The following SVEP1 variants were observed in gnomAD, a reference collection of about 807,000 sequenced individuals.
The protein encoded by SVEP1 is sushi, von Willebrand factor type A, EGF and pentraxin domain-containing protein 1.
In SVEP1, 164 loss-of-function variants were observed where a neutral mutation model predicts 367.3. The ratio of observed to expected loss-of-function variants is 0.45; its 90% CI spans 0.39 to 0.51. The LOEUF (loss-of-function observed/expected upper bound fraction) is 0.51. Ranked by LOEUF, SVEP1 falls within the 20% of genes least tolerant of loss-of-function variation. The probability of loss-of-function intolerance (pLI) is 0.00; values close to 1 mark genes in which losing one functional copy is unlikely to be tolerated. For missense variants in SVEP1, 4,117 were observed against 4,425.3 expected (o/e 0.93, Z 1.98); for synonymous variants, 1,666 against 1,611.6 (o/e 1.03, Z -0.81).
chr9:110,375,255 A>G (rs1827332188), intron 46 of SVEP1, 113 bp downstream of exon 46: 1 of 918,970 alleles, frequency 1.1e-6, no homozygotes, highest in Middle Eastern at 2.2e-4. Flanking sequence ...TTTGAGAAAC[A>G]TCAGTACTTT....
At chr9:110,512,853 G>T in intron 5 of SVEP1, 73 bp downstream of exon 5, 1 of 1,540,344 alleles carries the variant, frequency 6.5e-7, no homozygotes, top group Non-Finnish European at 9.0e-7. Context: ...AGAACTGACT[G>T]GTTTACTAGA....
At position 110,366,256 on chromosome 9, in the gene SVEP1, T is replaced by A. The variant is rs2118928516; in HGVS notation, c.*283A>T. The A allele has an allele frequency of 3.0e-6, 1 of 334,412 alleles. No individual in the cohort carries two copies. The highest frequency in any genetic ancestry group is 4.6e-5 in the East Asian group (1 of 21,594). The allele number at this position is 334,412 out of a possible 1,614,324, so 20.7% of individuals were successfully genotyped here. ...AAATGTGTACCAGGAACTTTCCCAA[T>A]AGACAGCAGAATATGTACATTTTGT... On this transcript the variant is annotated 3_prime_UTR_variant, in exon 48 of 48. Coordinates refer to ENST00000374469, the MANE Select transcript of SVEP1 (RefSeq NM_153366.4).
At position 110,479,765 on chromosome 9, in the gene SVEP1, T is replaced by C. The variant is rs1373176270; in HGVS notation, c.2366-9A>G. 4.4e-6 allele frequency: 7 copies of C among 1,596,530 alleles called. No individual in the cohort carries two copies. The highest frequency in any genetic ancestry group is 1.8e-5 in the Admixed American group (1 of 55,272). On this transcript the variant is annotated splice_polypyrimidine_tract_variant and intron_variant, in intron 12 of 47. Coordinates refer to ENST00000374469, the MANE Select transcript of SVEP1 (RefSeq NM_153366.4). ...GTTTGCAAAACGTTTTTCTAGAAAATGTTGGACAAAACAGCTTCAGTTGGT... is the reference window on the plus strand; with the variant it reads ...GTTTGCAAAACGTTTTTCTAGAAAACGTTGGACAAAACAGCTTCAGTTGGT...
At chr9:110,546,579 T>C (rs961552906) in intron 2 of SVEP1, among the ~76,000 whole-genome samples, 30 of 152,312 alleles carry the variant, frequency 2.0e-4, no homozygotes, top group African/African-American at 6.7e-4. Context: ...AATCTCCAGA[T>C]GCTGCAGGAA....
intron 9 of SVEP1, among the ~76,000 whole-genome samples, chr9:110,483,965 G>C (rs1280546531): frequency 6.6e-6 from 1 of 152,162 alleles, no homozygotes; most frequent in Non-Finnish European, 1.5e-5. Context: ...GGCAATTCCT[G>C]ATGTGGTGGG....
Position 110,411,072 on chromosome 9 carries a change from G to A in SVEP1, c.6639C>T (p.Gly2213=). 3.2e-6 allele frequency: 5 copies of A among 1,566,496 alleles called. No individual in the cohort carries two copies. Among genetic ancestry groups the A allele is most frequent in the Non-Finnish European group, 4.3e-6 (5 of 1,153,858 alleles). Residue 2213 remains glycine (G), a synonymous_variant, in exon 37 of 48, where the codon GGC becomes GGT. Coordinates refer to ENST00000374469, the MANE Select transcript of SVEP1 (RefSeq NM_153366.4). ...CTAATTGGTCTCTTACCTCCAGAAA[G>A]CCATTCTCAACCTTAGGTGGTTCAC... is the stretch of plus-strand genomic sequence containing the variant. The part of the protein sequence containing the change: ...SCGEPPKVEN[G]FLEHTTGRIF...
chr9:110,432,354 T>C, intron 31 of SVEP1, 108 bp downstream of exon 31: 1 of 1,379,724 alleles, frequency 7.2e-7, no homozygotes, highest in Middle Eastern at 1.9e-4. Context: ...CTTACTGGGA[T>C]GAGATAAAGT....
chr9:110,500,869 A>T (rs973102614), intron 6 of SVEP1, among the ~76,000 whole-genome samples: 26 of 151,866 alleles, frequency 1.7e-4, no homozygotes, highest in Non-Finnish European at 3.8e-4. Context: ...TCCTTTTCAA[A>T]CTGATTTTAG....
chr9:110,478,545 C>G (rs976405022), intron 13 of SVEP1, among the ~76,000 whole-genome samples: 3 of 152,188 alleles, frequency 2.0e-5, no homozygotes, highest in Admixed American at 2.0e-4. Flanking sequence ...GATTTCTTCA[C>G]CACTTTGGGG....
At chr9:110,487,879 A>C (rs1829307236) in intron 9 of SVEP1, among the ~76,000 whole-genome samples, 1 of 152,208 alleles carries the variant, frequency 6.6e-6, no homozygotes, top group Admixed American at 6.5e-5. Flanking sequence ...GGTGGAGATG[A>C]ACATGAACCC....
At chr9:110,395,775 A>C (rs1383041558) in intron 40 of SVEP1, among the ~76,000 whole-genome samples, 2 of 151,944 alleles carry the variant, frequency 1.3e-5, no homozygotes, top group East Asian at 3.8e-4. Flanking sequence ...CATAATGGTA[A>C]AGGGATCAAT....
chr9:110,458,683 C>G (rs762376789), intron 19 of SVEP1, 121 bp from the exon 20 acceptor site: 2 of 1,052,416 alleles, frequency 1.9e-6, no homozygotes, highest in Non-Finnish European at 2.7e-6. Flanking sequence ...TTTTGTTTCA[C>G]TTATATTTTA....
At chr9:110,401,501 T>C (rs974499627) in intron 39 of SVEP1, among the ~76,000 whole-genome samples, 10 of 150,554 alleles carry the variant, frequency 6.6e-5, no homozygotes, top group African/African-American at 2.4e-4. Context: ...TTTTATCACA[T>C]ATTTTTGAAG....
At chr9:110,443,394 CAGTT>C (rs1332479793) in intron 27 of SVEP1, 147 bp downstream of exon 27, 3 of 720,230 alleles carry the variant, frequency 4.2e-6, no homozygotes, top group African/African-American at 1.8e-5. Flanking sequence ...TAATAACCCA[CAGTT>C]AGGATAATCA....
chr9:110,532,426 T>C (rs1229251091), intron 3 of SVEP1, among the ~76,000 whole-genome samples: 1 of 152,026 alleles, frequency 6.6e-6, no homozygotes, highest in African/African-American at 2.4e-5. Context: ...TAGTAAGAAA[T>C]GAACGGACAC....
At chr9:110,500,017 T>C (rs2118748169) in intron 6 of SVEP1, among the ~76,000 whole-genome samples, 1 of 152,382 alleles carries the variant, frequency 6.6e-6, no homozygotes, top group African/African-American at 2.4e-5. Context: ...TTTAATCATA[T>C]GCTGTAAGAA....
At chr9:110,442,863 A>G (rs1299406481) in intron 27 of SVEP1, 1 of 152,204 alleles carries the variant, frequency 6.6e-6, no homozygotes, top group South Asian at 2.1e-4. Flanking sequence ...TATATTTATT[A>G]GTATACGTAT....
At chr9:110,551,376 T>TTAGTG (rs1286960862) in intron 1 of SVEP1, among the ~76,000 whole-genome samples, 1 of 152,222 alleles carries the variant, frequency 6.6e-6, no homozygotes, top group Non-Finnish European at 1.5e-5. Context: ...CTAAATTTAG[T>TTAGTG]TAGTGTTTGT....
chr9:110,458,806 A>G (rs1828814777), intron 19 of SVEP1, 146 bp downstream of exon 19: 1 of 1,045,374 alleles, frequency 9.6e-7, no homozygotes, highest in South Asian at 1.8e-5. Flanking sequence ...TGTCATGGTC[A>G]TCAAAAATAC....
Sources: gnomAD v4.1 joint callset for allele counts (sites outside exome capture counted in the v4.1 genomes callset) on GRCh38, gnomAD v4.1.1 for gene constraint, MANE v1.5 for transcripts, NCBI Gene and HGNC (gene_info 2026-07-23, HGNC 2026-07-21) for gene names.